BORCS7: variants seen among roughly 807,000 people sequenced by gnomAD.
BORCS7 encodes BLOC-1 related complex subunit 7.
In BORCS7, 20 loss-of-function variants were observed where a neutral mutation model predicts 17.5. The observed-to-expected ratio is 1.14, with a 90% CI of 0.80 to 1.66. The LOEUF (loss-of-function observed/expected upper bound fraction) is 1.66. BORCS7 is among the 40% of genes most tolerant of loss of function. The pLI is 0.00. For missense variants in BORCS7, 122 were observed against 129.7 expected (o/e 0.94, Z 0.29); for synonymous variants, 57 against 49.8 (o/e 1.14, Z -0.61).
At position 102,854,302 on chromosome 10, in the gene BORCS7, A is replaced by G; in HGVS notation, c.16A>G (p.Thr6Ala). 6.2e-7 allele frequency: 1 copy of G among 1,605,816 alleles called. No homozygotes were observed. The highest frequency in any genetic ancestry group is 2.2e-5 in the East Asian group (1 of 44,698). MMATG[T>A]PESQARFGQS... ...GCTAACTGAAATGATGGCGACTGGA[A>G]CGCCAGAGTCTCAAGCGCGGTTCGG... The change falls in exon 1 of 5, where the codon ACG (threonine) becomes GCG (alanine). Residue 6 changes from threonine (T) to alanine (A), a missense_variant. Transcript: ENST00000339834.
chr10:102,863,017 C>G lies in BORCS7; in HGVS notation c.*93C>G, dbSNP rs1401147921. On this transcript the variant is annotated 3_prime_UTR_variant, in exon 5 of 5. Coordinates refer to ENST00000339834, the MANE Select transcript of BORCS7 (RefSeq NM_001136200.2). ...TCCTCTGGGTTTGGTTTTCTATTTTCTTCTCCAAAAGTTAAGTTAGAAAAG... is the reference window on the plus strand; with the variant it reads ...TCCTCTGGGTTTGGTTTTCTATTTTGTTCTCCAAAAGTTAAGTTAGAAAAG... 9 of 1,215,764 alleles carry G rather than the reference C, an allele frequency of 7.4e-6. No homozygotes were observed. Among genetic ancestry groups the G allele is most frequent in the Non-Finnish European group, 9.7e-6 (8 of 824,954 alleles). The allele number at this position is 1,215,764 out of a possible 1,614,324, so 75.3% of individuals were successfully genotyped here.
chr10:102,864,911 GTGA>G lies in BORCS7; in HGVS notation c.*1989_*1991del, dbSNP rs1179050784. The stretch of plus-strand genomic sequence containing the variant: ...TCAAATGCCATAAAAGAAAATTTGT[GTGA>G]TAATACCAAAGCAGTACTATAAGAA... On this transcript the variant is annotated 3_prime_UTR_variant, in exon 5 of 5. Coordinates refer to ENST00000339834, the MANE Select transcript of BORCS7 (RefSeq NM_001136200.2). 9 of 152,052 alleles carry G rather than the reference GTGA, an allele frequency of 5.9e-5. No homozygotes were observed. Among genetic ancestry groups the G allele is most frequent in the African/African-American group, 2.2e-4 (9 of 41,406 alleles). The allele number at this position is 152,052 out of a possible 1,614,324, so 9.4% of individuals were successfully genotyped here.
chr10:102,856,386 T>TA (rs201325646), intron 1 of BORCS7, among the ~76,000 whole-genome samples: 1,747 of 150,076 alleles, frequency 0.012, 13 homozygotes, highest in Middle Eastern at 0.027. Context: ...CTTGTCTCTG[T>TA]AAAAAAAGGA....
chr10:102,855,324 A>G (rs1004401544), intron 1 of BORCS7, among the ~76,000 whole-genome samples: 2 of 151,778 alleles, frequency 1.3e-5, no homozygotes, highest in South Asian at 2.1e-4. Flanking sequence ...ACACCTGGCT[A>G]TTTTTGTATT....
At position 102,864,225 on chromosome 10, in the gene BORCS7, T is replaced by C. The variant is rs1476686125; in HGVS notation, c.*1301T>C. On this transcript the variant is annotated 3_prime_UTR_variant, in exon 5 of 5. Coordinates refer to ENST00000339834, the MANE Select transcript of BORCS7 (RefSeq NM_001136200.2). ...AACAGTGAATCCAATATAGTTCATA[T>C]TGTTATTGTCCAATCATCAAGTTAA... 6.6e-6 allele frequency: 1 copy of C among 152,186 alleles called. No individual in the cohort carries two copies. Among genetic ancestry groups the C allele is most frequent in the African/African-American group, 2.4e-5 (1 of 41,452 alleles). The allele number at this position is 152,186 out of a possible 1,614,324, so 9.4% of individuals were successfully genotyped here.
chr10:102,856,138 A>G (rs1300380652), intron 1 of BORCS7, among the ~76,000 whole-genome samples: 1 of 152,092 alleles, frequency 6.6e-6, no homozygotes, highest in African/African-American at 2.4e-5. Context: ...ACACACTGAC[A>G]TTTGCCCACA....
chr10:102,861,791 C>T (rs374601207), intron 3 of BORCS7, among the ~76,000 whole-genome samples: 363 of 152,120 alleles, frequency 2.4e-3, no homozygotes, highest in African/African-American at 7.6e-3. Flanking sequence ...TTTCACTCTT[C>T]GATATTTAAA....
intron 1 of BORCS7, among the ~76,000 whole-genome samples, chr10:102,858,260 C>A (rs1004156419): frequency 6.6e-6 from 1 of 150,824 alleles, no homozygotes; most frequent in Admixed American, 6.6e-5. Flanking sequence ...TAGTATGTTA[C>A]ATTTTAAGTA....
intron 1 of BORCS7, among the ~76,000 whole-genome samples, chr10:102,859,296 C>A (rs529734046): frequency 7.6e-4 from 116 of 152,008 alleles, no homozygotes; most frequent in African/African-American, 2.8e-3. Flanking sequence ...GCACGTGCCA[C>A]CACGCCTGGC....
At position 102,860,481 on chromosome 10, in the gene BORCS7, C is replaced by T. The variant is rs756221713; in HGVS notation, c.205-17C>T. On this transcript the variant is annotated splice_polypyrimidine_tract_variant and intron_variant, in intron 2 of 4. Transcript: ENST00000339834. ...GGAAGTGGAAATGTTCTATTTCTCT[C>T]TCTCTTTTTTATGCAGAGTTTAAGG... The T allele has an allele frequency of 1.1e-5, 17 of 1,612,022 alleles. No individual in the cohort carries two copies. The East Asian group carries it at 3.6e-4, about 34-fold the overall frequency.
At chr10:102,856,504 C>CA (rs1844430010) in intron 1 of BORCS7, among the ~76,000 whole-genome samples, 1 of 151,800 alleles carries the variant, frequency 6.6e-6, no homozygotes, top group African/African-American at 2.4e-5. Flanking sequence ...ATATGAGTAC[C>CA]AAAAAAGAGG....
chr10:102,861,459 G>A (rs1020433924), intron 3 of BORCS7, among the ~76,000 whole-genome samples: 1 of 151,614 alleles, frequency 6.6e-6, no homozygotes, highest in African/African-American at 2.4e-5. Context: ...GCTCATGCCT[G>A]TAATTCCAGC....
chr10:102,858,066 A>G (rs1389763354), intron 1 of BORCS7, among the ~76,000 whole-genome samples: 1 of 151,560 alleles, frequency 6.6e-6, no homozygotes, highest in Non-Finnish European at 1.5e-5. Context: ...TCTGGAGGCT[A>G]AGGTGGAAGG....
chr10:102,858,397 C>G (rs369818440), intron 1 of BORCS7, among the ~76,000 whole-genome samples: 3 of 152,152 alleles, frequency 2.0e-5, no homozygotes, highest in East Asian at 3.9e-4. Context: ...TGCCTGTAAT[C>G]CCAGTACTTT....
chr10:102,854,521 G>C lies in BORCS7; in HGVS notation c.141+94G>C. 3 of 1,426,408 alleles carry C rather than the reference G, an allele frequency of 2.1e-6. No homozygotes were observed. The South Asian group carries it at 3.9e-5, about 19-fold the overall frequency. The allele number at this position is 1,426,408 out of a possible 1,614,324, so 88.4% of individuals were successfully genotyped here. A position where few individuals can be genotyped will look rare whatever the true frequency, so the allele number is the denominator to read the frequency against. On this transcript the variant is annotated intron_variant, in intron 1 of 4. Coordinates refer to ENST00000339834, the MANE Select transcript of BORCS7 (RefSeq NM_001136200.2). Reference sequence around the variant, plus strand: ...GAGGTCGCGTTGCATCTTGGGAATTGTAGGCTGTGAAGTACTTGCTATGAG... The same window carrying C: ...GAGGTCGCGTTGCATCTTGGGAATTCTAGGCTGTGAAGTACTTGCTATGAG...
chr10:102,860,691 G>A, intron 3 of BORCS7, 150 bp downstream of exon 3: 3 of 759,832 alleles, frequency 3.9e-6, no homozygotes, highest in Non-Finnish European at 6.7e-6. Context: ...TGGCAAAGAT[G>A]CCTGAGACTA....
Position 102,863,916 on chromosome 10 carries a change from A to C in BORCS7, c.*992A>C, listed in dbSNP as rs1844557795. On this transcript the variant is annotated 3_prime_UTR_variant, in exon 5 of 5. Coordinates refer to ENST00000339834, the MANE Select transcript of BORCS7 (RefSeq NM_001136200.2). ...TTTGTAATTTTGCTAATCATCAGCA[A>C]ATTCACTTGCATGACGTTACTGCCA... 6.6e-6 allele frequency: 1 copy of C among 152,214 alleles called. No homozygotes were observed. The highest frequency in any genetic ancestry group is 2.4e-5 in the African/African-American group (1 of 41,462). The allele number at this position is 152,214 out of a possible 1,614,324, so 9.4% of individuals were successfully genotyped here. A position where few individuals can be genotyped will look rare whatever the true frequency, so the allele number is the denominator to read the frequency against.
Position 102,862,881 on chromosome 10 carries a change from A to G in BORCS7, c.278A>G (p.Gln93Arg), listed in dbSNP as rs754458544. 1.9e-6 allele frequency: 3 copies of G among 1,607,338 alleles called. No individual in the cohort carries two copies. The South Asian group carries it at 3.3e-5, about 18-fold the overall frequency. Reference sequence around the variant, plus strand: ...TCTATTCTAATTCCTAGTGTTGAACAGTCATCGGATCTACAGGACCAGTTG... The same window carrying G: ...TCTATTCTAATTCCTAGTGTTGAACGGTCATCGGATCTACAGGACCAGTTG... ...QQEAIQKNVE[Q>R]SSDLQDQLNH... Residue 93 changes from glutamine (Q) to arginine (R), a missense_variant, in exon 5 of 5, where the codon CAG becomes CGG. Transcript: ENST00000339834.
intron 1 of BORCS7, 168 bp downstream of exon 1, chr10:102,854,595 CTT>C (rs776990316): frequency 4.3e-5 from 34 of 787,038 alleles, no homozygotes; most frequent in Non-Finnish European, 5.6e-5. Context: ...TGTGCAGTCT[CTT>C]TGGTTAGGGA....
Sources: allele counts gnomAD v4.1 joint callset (sites outside exome capture counted in the v4.1 genomes callset), GRCh38; gene constraint gnomAD v4.1.1; transcripts MANE v1.5; gene names NCBI Gene and HGNC (gene_info 2026-07-23, HGNC 2026-07-21).